Variants in AGBL4 observed in about 807,000 individuals in gnomAD.
AGBL4 encodes the protein AGBL carboxypeptidase 4, also known as cytosolic carboxypeptidase 6.
Under a neutral mutation model 66.4 loss-of-function variants are expected in AGBL4, and 58 were observed. The observed-to-expected ratio is 0.87, with a 90% CI of 0.71 to 1.09. AGBL4 has a LOEUF of 1.09. Ranked by LOEUF, AGBL4 falls within the 50% of genes least tolerant of loss-of-function variation. The probability of loss-of-function intolerance (pLI) is 0.00; values close to 1 mark genes in which losing one functional copy is unlikely to be tolerated. For missense variants in AGBL4, 579 were observed against 631.0 expected (o/e 0.92, Z 0.88); for synonymous variants, 234 against 222.9 (o/e 1.05, Z -0.44).
chr1:48,560,053 T>G (rs762286002), intron 11 of AGBL4, among the ~76,000 whole-genome samples: 10 of 152,110 alleles, frequency 6.6e-5, no homozygotes, highest in Non-Finnish European at 1.5e-4. Flanking sequence ...TACCACCTCC[T>G]CCATGAAATC....
At chr1:49,094,422 T>C (rs1237927180) in intron 4 of AGBL4, among the ~76,000 whole-genome samples, 1 of 152,160 alleles carries the variant, frequency 6.6e-6, no homozygotes, top group Non-Finnish European at 1.5e-5. Flanking sequence ...GTTAAAGGCC[T>C]TTTCTGCATC....
chr1:49,043,351 C>G (rs1472833834), intron 5 of AGBL4, among the ~76,000 whole-genome samples: 1 of 152,040 alleles, frequency 6.6e-6, no homozygotes, highest in African/African-American at 2.4e-5. Context: ...AGAATGAGGT[C>G]TGTATATTTA....
intron 1 of AGBL4, among the ~76,000 whole-genome samples, chr1:49,976,596 T>C (rs1658577645): frequency 6.6e-6 from 1 of 152,204 alleles, no homozygotes; most frequent in Non-Finnish European, 1.5e-5. Flanking sequence ...CACTTTCTCA[T>C]GTAATATCAC....
intron 3 of AGBL4, among the ~76,000 whole-genome samples, chr1:49,458,099 G>T (rs74998175): frequency 2.4e-3 from 371 of 151,740 alleles, no homozygotes; most frequent in African/African-American, 8.7e-3. Flanking sequence ...AATGATGGTA[G>T]AATTTTGATG....
At chr1:49,031,723 T>A (rs918368696) in intron 5 of AGBL4, among the ~76,000 whole-genome samples, 2 of 152,050 alleles carry the variant, frequency 1.3e-5, no homozygotes, top group Non-Finnish European at 2.9e-5. Flanking sequence ...TTAGATTTCA[T>A]AGGAGAGACT....
At chr1:48,801,467 C>A (rs1645805025) in intron 6 of AGBL4, among the ~76,000 whole-genome samples, 1 of 152,178 alleles carries the variant, frequency 6.6e-6, no homozygotes, top group Admixed American at 6.5e-5. Flanking sequence ...CCCAAAGACC[C>A]CTGTGAGATA....
intron 1 of AGBL4, among the ~76,000 whole-genome samples, chr1:49,990,351 T>C (rs1437255080): frequency 6.6e-6 from 1 of 152,150 alleles, no homozygotes; most frequent in African/African-American, 2.4e-5. Flanking sequence ...GCTGTTCTCA[T>C]AATAGTGAGT....
At chr1:49,240,245 G>A (rs1007872648) in intron 4 of AGBL4, among the ~76,000 whole-genome samples, 3 of 152,066 alleles carry the variant, frequency 2.0e-5, no homozygotes, top group African/African-American at 7.2e-5. Context: ...TTTACTTGCT[G>A]TCTATCCCAT....
Position 49,652,919 on chromosome 1 carries a change from C to T in AGBL4, c.282+44394G>A, listed in dbSNP as rs549976159. Reference sequence around the variant, plus strand: ...GCTGGCTCTCAGGAGTCAGGGTAGCCCGAGGATTCTGCCCAACTGCAGCAC... The same window carrying T: ...GCTGGCTCTCAGGAGTCAGGGTAGCTCGAGGATTCTGCCCAACTGCAGCAC... On this transcript the variant is annotated intron_variant, in intron 3 of 13. Transcript: ENST00000371839. Among the ~76,000 whole-genome samples the T allele has an allele frequency of 2.0e-5, 3 of 152,166 alleles. No homozygotes were observed. In the South Asian group the frequency reaches 6.2e-4, roughly 32 times the overall value.
intron 4 of AGBL4, among the ~76,000 whole-genome samples, chr1:49,096,625 T>C (rs188693583): frequency 7.5e-6 from 1 of 132,696 alleles, no homozygotes; most frequent in Admixed American, 9.0e-5. Context: ...CACTCATAGG[T>C]GGGAACTGAA....
chr1:48,597,502 G>A (rs1457633206), intron 9 of AGBL4, among the ~76,000 whole-genome samples: 1 of 152,042 alleles, frequency 6.6e-6, no homozygotes, highest in South Asian at 2.1e-4. Context: ...ATCAGGGAAG[G>A]CCTCTGACAT....
chr1:48,771,810 C>T (rs1644850276), intron 6 of AGBL4, among the ~76,000 whole-genome samples: 2 of 152,140 alleles, frequency 1.3e-5, no homozygotes, highest in South Asian at 4.1e-4. Flanking sequence ...GGGACCTGAG[C>T]CCTGAATGAG....
intron 6 of AGBL4, among the ~76,000 whole-genome samples, chr1:48,857,568 A>G (rs1438150741): frequency 6.6e-6 from 1 of 152,120 alleles, no homozygotes; most frequent in Non-Finnish European, 1.5e-5. Flanking sequence ...AAAAATACAA[A>G]AAATTAGCCG....
At chr1:48,588,008 T>C (rs895746993) in intron 10 of AGBL4, among the ~76,000 whole-genome samples, 5 of 152,186 alleles carry the variant, frequency 3.3e-5, no homozygotes, top group Admixed American at 6.5e-5. Flanking sequence ...TATGATATTG[T>C]TTCCCATGCA....
intron 3 of AGBL4, among the ~76,000 whole-genome samples, chr1:49,490,013 T>C (rs1647155254): frequency 6.6e-6 from 1 of 151,844 alleles, no homozygotes; most frequent in Non-Finnish European, 1.5e-5. Context: ...TCCAAATACT[T>C]ACATGTCTTA....
intron 3 of AGBL4, among the ~76,000 whole-genome samples, chr1:49,429,190 T>C (rs1645729528): frequency 6.6e-6 from 1 of 152,216 alleles, no homozygotes; most frequent in Non-Finnish European, 1.5e-5. Context: ...AAATATTTTT[T>C]ACTTTGTGGG....
intron 5 of AGBL4, among the ~76,000 whole-genome samples, chr1:49,042,944 G>A (rs190417028): frequency 8.4e-4 from 128 of 152,004 alleles, no homozygotes; most frequent in African/African-American, 2.9e-3. Context: ...CATTCATTGT[G>A]CACCTACATT....
At chr1:49,275,723 C>A (rs1302475319) in intron 3 of AGBL4, among the ~76,000 whole-genome samples, 1 of 152,008 alleles carries the variant, frequency 6.6e-6, no homozygotes, top group Non-Finnish European at 1.5e-5. Flanking sequence ...ACACTGTATC[C>A]TAAATTCTTT....
chr1:48,590,735 T>C, intron 10 of AGBL4, 98 bp downstream of exon 10: 5 of 1,330,700 alleles, frequency 3.8e-6, no homozygotes, highest in Non-Finnish European at 5.1e-6. Flanking sequence ...GAGTTAGGTG[T>C]CCCGTGGAGC....
Sources: allele counts gnomAD v4.1 joint callset (sites outside exome capture counted in the v4.1 genomes callset), GRCh38; gene constraint gnomAD v4.1.1; transcripts MANE v1.5; gene names NCBI Gene and HGNC (gene_info 2026-07-23, HGNC 2026-07-21).